The following EVI5 variants were observed in gnomAD, a reference collection of about 807,000 sequenced individuals.
EVI5 encodes ecotropic viral integration site 5.
In EVI5, 73 loss-of-function variants were observed where a neutral mutation model predicts 112.0. The observed-to-expected ratio is 0.65, with a 90% CI of 0.54 to 0.79. The LOEUF (loss-of-function observed/expected upper bound fraction) is 0.79. Ranked by LOEUF, EVI5 falls within the 30% of genes least tolerant of loss-of-function variation. EVI5 has a pLI of 0.00. For missense variants in EVI5, 900 were observed against 968.8 expected (o/e 0.93, Z 0.94); for synonymous variants, 305 against 319.9 (o/e 0.95, Z 0.50).
rs566473767 is a variant in EVI5, at chr1:92,592,415, C to A, written c.2070+12892G>T. On this transcript the variant is annotated intron_variant, in intron 18 of 19. Coordinates refer to ENST00000684568, the MANE Select transcript of EVI5 (RefSeq NM_001350197.2). ...ATACCAGAATCTCTGGGACACATTC[C>A]AAGCAGTGTGTAGAGGGAAATTTAT... Among the ~76,000 whole-genome samples, 21 of 152,186 alleles carry A rather than the reference C, an allele frequency of 1.4e-4. 1 individual carries two copies. The South Asian group carries it at 3.9e-3, about 29-fold the overall frequency.
At chr1:92,571,056 G>A (rs564840408) in intron 18 of EVI5, among the ~76,000 whole-genome samples, 1 of 151,620 alleles carries the variant, frequency 6.6e-6, no homozygotes, top group African/African-American at 2.4e-5. Context: ...TTATATAGTT[G>A]TCTTATTTAG....
Position 92,693,730 on chromosome 1 carries a change from A to C in EVI5, c.1097+72T>G. 4 of 797,326 alleles carry C rather than the reference A, an allele frequency of 5.0e-6. No homozygotes were observed. In the South Asian group the frequency reaches 6.0e-5, roughly 12 times the overall value. 49.4% of individuals were successfully genotyped at this position (797,326 alleles called of 1,614,324 possible). A position where few individuals can be genotyped will look rare whatever the true frequency, so the allele number is the denominator to read the frequency against. ...GAAAATAATATAGTTCTATAACCTA[A>C]GGAGGAAAACTGTATCACTAGAATG... On this transcript the variant is annotated intron_variant, in intron 9 of 19. Coordinates refer to ENST00000684568, the MANE Select transcript of EVI5 (RefSeq NM_001350197.2).
At chr1:92,576,516 T>C (rs1671108750) in intron 18 of EVI5, among the ~76,000 whole-genome samples, 1 of 151,718 alleles carries the variant, frequency 6.6e-6, no homozygotes, top group Non-Finnish European at 1.5e-5. Flanking sequence ...AGAAGAATAT[T>C]GATAAAATGT....
upstream of EVI5, among the ~76,000 whole-genome samples, chr1:92,786,579 G>A (rs1238219986): frequency 6.6e-6 from 1 of 152,052 alleles, no homozygotes; most frequent in Non-Finnish European, 1.5e-5. Flanking sequence ...CCTAGTCTAG[G>A]CTACCTTCAC....
At chr1:92,710,496 T>C (rs1672686046) in intron 2 of EVI5, among the ~76,000 whole-genome samples, 1 of 152,234 alleles carries the variant, frequency 6.6e-6, no homozygotes, top group Non-Finnish European at 1.5e-5. Flanking sequence ...CATTGTAATC[T>C]AAGGTGTCCC....
At chr1:92,784,780 G>T (rs948808030) in intron 1 of EVI5, 56 bp downstream of exon 1, 4 of 976,734 alleles carry the variant, frequency 4.1e-6, no homozygotes, top group South Asian at 4.7e-5. Context: ...AGCGGAACAC[G>T]GACTCACCGC....
At chr1:92,759,712 ATCAT>A (rs1171258783) in intron 1 of EVI5, among the ~76,000 whole-genome samples, 1 of 152,170 alleles carries the variant, frequency 6.6e-6, no homozygotes, top group Non-Finnish European at 1.5e-5. Flanking sequence ...TCATACTTAT[ATCAT>A]TATATGTAAA....
chr1:92,608,503 G>C (rs562151233), intron 16 of EVI5, among the ~76,000 whole-genome samples: 1 of 151,850 alleles, frequency 6.6e-6, no homozygotes, highest in Admixed American at 6.6e-5. Context: ...CAGGAGTTTG[G>C]GACCAACTTG....
intron 18 of EVI5, among the ~76,000 whole-genome samples, chr1:92,590,698 T>A (rs1044371146): frequency 7.9e-5 from 12 of 152,194 alleles, no homozygotes; most frequent in African/African-American, 2.9e-4. Context: ...TGCAGGATAC[T>A]ATCCAGGAGA....
At chr1:92,756,493 C>T (rs1476015037) in intron 1 of EVI5, 1 of 537,544 alleles carries the variant, frequency 1.9e-6, no homozygotes, top group Non-Finnish European at 3.8e-6. Flanking sequence ...TACATCATTA[C>T]ATCATCTTAC....
chr1:92,736,670 T>C (rs1436053545), intron 1 of EVI5, 43 bp from the exon 2 acceptor site: 1 of 1,209,608 alleles, frequency 8.3e-7, no homozygotes, highest in Non-Finnish European at 1.2e-6. Flanking sequence ...AGTTACACTG[T>C]ATTCATTACC....
intron 2 of EVI5, among the ~76,000 whole-genome samples, chr1:92,724,926 T>G (rs1209846899): frequency 1.3e-5 from 2 of 152,120 alleles, no homozygotes; most frequent in Non-Finnish European, 2.9e-5. Flanking sequence ...TTAACCACCT[T>G]GAAATTCAGT....
intron 1 of EVI5, among the ~76,000 whole-genome samples, chr1:92,762,724 C>A (rs1019695242): frequency 1.1e-4 from 17 of 152,086 alleles, no homozygotes; most frequent in African/African-American, 3.9e-4. Context: ...CATGAAAATT[C>A]CCAACTCCTC....
At chr1:92,784,600 TTC>T (rs1422395712) in intron 1 of EVI5, 15 of 311,826 alleles carry the variant, frequency 4.8e-5, no homozygotes, top group African/African-American at 3.4e-4. Flanking sequence ...GCCGACGAGT[TTC>T]TTCCCCAGCG....
intron 6 of EVI5, 117 bp from the exon 7 acceptor site, chr1:92,695,570 A>C (rs933354095): frequency 7.0e-6 from 4 of 570,238 alleles, no homozygotes; most frequent in Non-Finnish European, 8.6e-6. Flanking sequence ...TCATATGGAA[A>C]AGGTAAGACA....
chr1:92,571,505 T>C (rs1191511705), intron 18 of EVI5, among the ~76,000 whole-genome samples: 1 of 152,190 alleles, frequency 6.6e-6, no homozygotes, highest in Non-Finnish European at 1.5e-5. Context: ...AAGTCTGTGA[T>C]TTTTATGTTC....
chr1:92,569,758 G>A (rs965848883), intron 18 of EVI5, among the ~76,000 whole-genome samples: 2 of 149,702 alleles, frequency 1.3e-5, no homozygotes, highest in Non-Finnish European at 1.5e-5. Flanking sequence ...GGAGGTTGAC[G>A]CAGGAGAATC....
At chr1:92,743,356 A>C (rs1299219930) in intron 1 of EVI5, among the ~76,000 whole-genome samples, 1 of 152,228 alleles carries the variant, frequency 6.6e-6, no homozygotes, top group Non-Finnish European at 1.5e-5. Context: ...CGTCTCAAAA[A>C]AAAAAGGGAA....
At chr1:92,608,425 G>A (rs1426293600) in intron 16 of EVI5, among the ~76,000 whole-genome samples, 1 of 152,010 alleles carries the variant, frequency 6.6e-6, no homozygotes, top group Non-Finnish European at 1.5e-5. Flanking sequence ...GTACCATCAT[G>A]GCCAGTGCAG....
Sources: gnomAD v4.1 joint callset for allele counts (sites outside exome capture counted in the v4.1 genomes callset) on GRCh38, gnomAD v4.1.1 for gene constraint, MANE v1.5 for transcripts, NCBI Gene and HGNC (gene_info 2026-07-23, HGNC 2026-07-21) for gene names.